XIRP2: variants seen among roughly 807,000 people sequenced by gnomAD.
The protein encoded by XIRP2 is xin actin-binding repeat-containing protein 2.
Under a neutral mutation model 277.0 loss-of-function variants are expected in XIRP2, and 236 were observed. The observed-to-expected ratio is 0.85, with a 90% CI of 0.77 to 0.95. The LOEUF is 0.95. XIRP2 is among the 40% of genes least tolerant of loss of function. The pLI is 0.00. For synonymous variants in XIRP2, 1,490 were observed against 1,416.5 expected, an observed-to-expected ratio of 1.05 and a Z score of -1.17; for missense variants, 4,640 against 4,157.5, an observed-to-expected ratio of 1.12 and a Z score of -3.19.
At chr2:167,153,393 AT>A (rs200958856) in intron 3 of XIRP2, among the ~76,000 whole-genome samples, 4 of 151,600 alleles carry the variant, frequency 2.6e-5, no homozygotes, top group African/African-American at 7.3e-5. Context: ...TGAACTCAAA[AT>A]TTTTTTTATT....
chr2:167,098,132 C>T (rs1690374256), intron 2 of XIRP2, among the ~76,000 whole-genome samples: 1 of 152,184 alleles, frequency 6.6e-6, no homozygotes, highest in Admixed American at 6.5e-5. Flanking sequence ...GGATAATATC[C>T]TGAAGTGTGT....
chr2:167,086,270 C>A (rs546554884), intron 2 of XIRP2, among the ~76,000 whole-genome samples: 195 of 152,144 alleles, frequency 1.3e-3, no homozygotes, highest in African/African-American at 4.5e-3. Flanking sequence ...GGATATTGGC[C>A]CCCACTCTCT....
chr2:167,088,343 A>G (rs1412343082), intron 2 of XIRP2, among the ~76,000 whole-genome samples: 3 of 151,892 alleles, frequency 2.0e-5, no homozygotes. Context: ...CATTCCCTGC[A>G]TTTCTGACTA....
Position 166,948,456 on chromosome 2 carries a change from T to G in XIRP2, c.408+44566T>G, listed in dbSNP as rs374388255. 3.8e-4 allele frequency among the ~76,000 whole-genome samples: 58 copies of G among 152,126 alleles called. 2 individuals are homozygous for G. In the South Asian group the frequency reaches 0.012, roughly 31 times the overall value. On this transcript the variant is annotated intron_variant, in intron 2 of 10. Transcript: ENST00000409195. Reference sequence around the variant, plus strand: ...ATCTGACTATCTTAGGTTGAAAAAATGAGAAGAAACAAAGACCCTTGGAGA... The same window carrying G: ...ATCTGACTATCTTAGGTTGAAAAAAGGAGAAGAAACAAAGACCCTTGGAGA...
chr2:167,226,323 C>G (rs557660462), intron 5 of XIRP2, among the ~76,000 whole-genome samples: 2 of 152,268 alleles, frequency 1.3e-5, no homozygotes, highest in Non-Finnish European at 2.9e-5. Flanking sequence ...AGCTGGTTTT[C>G]TCCTACTACT....
In XIRP2 at chr2:167,258,935, C is replaced by G; in HGVS notation, c.*1118C>G. On this transcript the variant is annotated 3_prime_UTR_variant, in exon 11 of 11. Transcript: ENST00000409195. ...TGCTGGCAGTCCTGTGCAGCCTGCT[C>G]CAAAACCAAGCCTCAGCAGAGGCCT... 1 of 1,612,998 alleles carries G rather than the reference C, an allele frequency of 6.2e-7. No homozygotes were observed. The highest frequency in any genetic ancestry group is 1.3e-5 in the African/African-American group (1 of 74,924).
intron 2 of XIRP2, among the ~76,000 whole-genome samples, chr2:167,040,873 C>T (rs1688642584): frequency 6.6e-6 from 1 of 152,218 alleles, no homozygotes; most frequent in Non-Finnish European, 1.5e-5. Context: ...CGTGCACCAA[C>T]CTGCAGCCTC....
At chr2:167,188,004 T>C (rs1285900248) in intron 3 of XIRP2, among the ~76,000 whole-genome samples, 1 of 152,194 alleles carries the variant, frequency 6.6e-6, no homozygotes, top group East Asian at 1.9e-4. Flanking sequence ...TCAGCCTTAC[T>C]TTGCTTTTGT....
At chr2:167,174,694 A>G (rs990639543) in intron 3 of XIRP2, among the ~76,000 whole-genome samples, 5 of 151,770 alleles carry the variant, frequency 3.3e-5, no homozygotes, top group African/African-American at 1.2e-4. Flanking sequence ...TAGTTCTTTT[A>G]ATTGTGATGT....
At chr2:166,954,433 G>A (rs1002181308) in intron 2 of XIRP2, among the ~76,000 whole-genome samples, 1 of 151,928 alleles carries the variant, frequency 6.6e-6, no homozygotes, top group African/African-American at 2.4e-5. Flanking sequence ...TGCTGGTGAG[G>A]TTGTGGAGGA....
rs112541357 is a variant in XIRP2 at position 166,929,280 on chromosome 2, G to A, written c.408+25390G>A. On this transcript the variant is annotated intron_variant, in intron 2 of 10. Transcript: ENST00000409195. ...GTTTTCCACTTGAACATATCACCTT[G>A]AGAAATGAGAGCTATGGTCCTTAAT... Among the ~76,000 whole-genome samples, 552 of 152,178 alleles carry A rather than the reference G, an allele frequency of 3.6e-3. 4 individuals carry two copies. The highest frequency in any genetic ancestry group is 0.012 in the African/African-American group (505 of 41,548).
At chr2:167,189,577 A>G (rs1693264957) in intron 3 of XIRP2, among the ~76,000 whole-genome samples, 1 of 152,250 alleles carries the variant, frequency 6.6e-6, no homozygotes, top group South Asian at 2.1e-4. Flanking sequence ...GCTCATTCAC[A>G]TAACAGGTTC....
At chr2:167,043,310 G>A (rs1688709730) in intron 2 of XIRP2, among the ~76,000 whole-genome samples, 1 of 151,954 alleles carries the variant, frequency 6.6e-6, no homozygotes, top group Non-Finnish European at 1.5e-5. Flanking sequence ...AAAGGTAACA[G>A]GAGGAAAGAA....
chr2:167,216,154 C>T (rs562756215), intron 4 of XIRP2, among the ~76,000 whole-genome samples: 4 of 110,900 alleles, frequency 3.6e-5, no homozygotes, highest in East Asian at 2.5e-4. Flanking sequence ...AAGATTTAAA[C>T]GTTAGACCTA....
intron 3 of XIRP2, among the ~76,000 whole-genome samples, chr2:167,151,236 T>C (rs1274758703): frequency 2.0e-5 from 3 of 152,108 alleles, no homozygotes; most frequent in Non-Finnish European, 4.4e-5. Context: ...GCAGTTCAGG[T>C]ATCTTAAGTG....
intron 2 of XIRP2, among the ~76,000 whole-genome samples, chr2:167,038,867 G>A (rs1481763657): frequency 6.6e-6 from 1 of 151,960 alleles, no homozygotes; most frequent in Non-Finnish European, 1.5e-5. Context: ...CACAGAATAA[G>A]TTCATGGGGG....
chr2:167,161,415 T>G (rs7575729), intron 3 of XIRP2, among the ~76,000 whole-genome samples: 42,666 of 152,106 alleles, frequency 0.28, 7,419 homozygotes, highest in African/African-American at 0.5. Context: ...GGACATCCAG[T>G]TGTTTCCATA....
intron 1 of XIRP2, chr2:166,889,925 G>A (rs889713801): frequency 9.8e-6 from 1 of 101,770 alleles, no homozygotes; most frequent in Non-Finnish European, 2.6e-5. Context: ...ATTAATGAAT[G>A]GTGTTGTGTC....
chr2:167,245,235 T>A lies in XIRP2; in HGVS notation c.3843T>A (p.Thr1281=). 1 of 1,613,698 alleles carries A rather than the reference T, an allele frequency of 6.2e-7. No individual in the cohort carries two copies. Among genetic ancestry groups the A allele is most frequent in the African/African-American group, 1.3e-5 (1 of 75,008 alleles). ...GAAAGGGGTGCTTTATTTTTGAGAC[T>A]TTTTCTTTAGATGAGATTAAAGAAG... ...DVRKGCFIFE[T]FSLDEIKEES... The change falls in exon 9 of 11, where the codon ACT becomes ACA. Residue 1281 remains threonine, a synonymous_variant. Coordinates refer to ENST00000409195, the MANE Select transcript of XIRP2 (RefSeq NM_152381.6).
Sources: allele counts gnomAD v4.1 joint callset (sites outside exome capture counted in the v4.1 genomes callset), GRCh38; gene constraint gnomAD v4.1.1; transcripts MANE v1.5; gene names NCBI Gene and HGNC (gene_info 2026-07-23, HGNC 2026-07-21).